Variants in ARMC3 observed in about 807,000 individuals in gnomAD.
ARMC3 encodes armadillo repeat containing 3.
ARMC3 carries 74 observed loss-of-function variants against 90.3 expected under a neutral mutation model. The ratio of observed to expected loss-of-function variants is 0.82; its 90% confidence interval spans 0.68 to 0.99. The LOEUF is 0.99. Ranked by LOEUF, ARMC3 falls within the 50% of genes least tolerant of loss-of-function variation. The probability of loss-of-function intolerance (pLI) is 0.00; values close to 1 mark genes in which losing one functional copy is unlikely to be tolerated. For synonymous variants in ARMC3, 334 were observed against 361.8 expected, an observed-to-expected ratio of 0.92 and a Z score of 0.87; for missense variants, 958 against 1,042.8, an observed-to-expected ratio of 0.92 and a Z score of 1.12.
chr10:22,990,577 G>A (rs1836661930), intron 10 of ARMC3, among the ~76,000 whole-genome samples: 1 of 152,134 alleles, frequency 6.6e-6, no homozygotes, highest in Non-Finnish European at 1.5e-5. Flanking sequence ...TTAAATCCCA[G>A]AGCAGTCCTA....
At chr10:23,014,123 C>T (rs769213808) in intron 16 of ARMC3, 2 of 1,549,748 alleles carry the variant, frequency 1.3e-6, no homozygotes, top group Non-Finnish European at 1.7e-6. Context: ...TCAAGATAAA[C>T]CCTGAAGCAC....
intron 18 of ARMC3, among the ~76,000 whole-genome samples, chr10:23,036,716 C>G (rs777705023): frequency 6.6e-6 from 1 of 152,162 alleles, no homozygotes; most frequent in Non-Finnish European, 1.5e-5. Flanking sequence ...TTAATAACCT[C>G]AAAATCAGGA....
chr10:22,986,789 A>G (rs1291989597), intron 10 of ARMC3, among the ~76,000 whole-genome samples: 4 of 152,156 alleles, frequency 2.6e-5, no homozygotes, highest in African/African-American at 4.8e-5. Flanking sequence ...AGAGCCTCCT[A>G]TTGATACTTC....
intron 16 of ARMC3, among the ~76,000 whole-genome samples, chr10:23,009,779 G>A (rs1837824902): frequency 6.6e-6 from 1 of 152,194 alleles, no homozygotes; most frequent in African/African-American, 2.4e-5. Flanking sequence ...TTACAAGCAT[G>A]AGCCACCCTG....
intron 2 of ARMC3, among the ~76,000 whole-genome samples, chr10:22,936,958 C>T (rs1215999208): frequency 6.6e-6 from 1 of 152,092 alleles, no homozygotes; most frequent in Non-Finnish European, 1.5e-5. Flanking sequence ...GGCTGGAGTG[C>T]AGTGGCACAA....
intron 8 of ARMC3, among the ~76,000 whole-genome samples, chr10:22,978,171 G>T (rs1410406577): frequency 6.6e-6 from 1 of 152,160 alleles, no homozygotes; most frequent in Non-Finnish European, 1.5e-5. Context: ...GGTCCTACCT[G>T]TATTTCTTGT....
intron 18 of ARMC3, among the ~76,000 whole-genome samples, chr10:23,034,649 C>T (rs544704719): frequency 6.6e-6 from 1 of 152,270 alleles, no homozygotes; most frequent in African/African-American, 2.4e-5. Context: ...TTTGTCCTAA[C>T]TCACGGCCAT....
chr10:23,002,597 CT>C (rs59137245), intron 12 of ARMC3, among the ~76,000 whole-genome samples: 1 of 147,980 alleles, frequency 6.8e-6, no homozygotes. Flanking sequence ...TCTTTCTTTT[CT>C]TTTTTTCTTT....
At chr10:23,013,948 A>G (rs1266391897) in intron 16 of ARMC3, among the ~76,000 whole-genome samples, 2 of 152,208 alleles carry the variant, frequency 1.3e-5, no homozygotes, top group Non-Finnish European at 2.9e-5. Flanking sequence ...AATATTAAAA[A>G]TTACTTTAAT....
chr10:23,000,412 A>G (rs762682445), intron 11 of ARMC3, among the ~76,000 whole-genome samples: 17 of 152,110 alleles, frequency 1.1e-4, no homozygotes, highest in Non-Finnish European at 2.4e-4. Context: ...CTATGCTCCC[A>G]TTGCACCCCT....
chr10:23,024,035 A>T (rs1320181883), intron 16 of ARMC3, among the ~76,000 whole-genome samples: 1 of 152,178 alleles, frequency 6.6e-6, no homozygotes, highest in Non-Finnish European at 1.5e-5. Context: ...ACCCAAAGAA[A>T]ACAACACTAA....
Position 23,002,011 on chromosome 10 carries a change from C to T in ARMC3, c.1518C>T (p.Val506=). 6.2e-7 allele frequency: 1 copy of T among 1,613,886 alleles called. No homozygotes were observed. Among genetic ancestry groups the T allele is most frequent in the Non-Finnish European group, 8.5e-7 (1 of 1,179,844 alleles). ...VRKHASWAVM[V]CAGDELTANE... ...AGCACGCCAGTTGGGCAGTGATGGT[C>T]TGTGCTGGTGACGAGCTGACGGCCA... The change falls in exon 12 of 19, where the codon GTC becomes GTT. Residue 506 remains valine, a synonymous_variant. Transcript: ENST00000298032.
chr10:22,977,060 G>A (rs138025244), intron 8 of ARMC3, among the ~76,000 whole-genome samples: 21 of 152,178 alleles, frequency 1.4e-4, no homozygotes, highest in East Asian at 9.7e-4. Context: ...AACTTTGTTC[G>A]ACCATAATTT....
intron 2 of ARMC3, among the ~76,000 whole-genome samples, chr10:22,934,389 A>G (rs571826214): frequency 2.8e-4 from 42 of 152,344 alleles, no homozygotes; most frequent in African/African-American, 8.2e-4. Flanking sequence ...ATGCCTACAT[A>G]TGGAAAAGAC....
At chr10:23,009,141 G>A (rs767780812) in intron 16 of ARMC3, among the ~76,000 whole-genome samples, 3 of 152,168 alleles carry the variant, frequency 2.0e-5, no homozygotes, top group African/African-American at 4.8e-5. Flanking sequence ...CAAAAACTCT[G>A]GTCACTTGGA....
chr10:22,931,089 C>A (rs1035304739), intron 1 of ARMC3, among the ~76,000 whole-genome samples: 2 of 152,178 alleles, frequency 1.3e-5, no homozygotes, highest in East Asian at 1.9e-4. Context: ...CCACCACACC[C>A]GGCTAATTTT....
At chr10:23,002,567 T>A (rs1415791620) in intron 12 of ARMC3, among the ~76,000 whole-genome samples, 6 of 138,318 alleles carry the variant, frequency 4.3e-5, no homozygotes, top group Non-Finnish European at 1.5e-5. Context: ...TCTTTCTTTC[T>A]TTCTTTCTTT....
Position 23,006,976 on chromosome 10 carries a change from T to A in ARMC3, c.1824T>A (p.Ser608=), listed in dbSNP as rs369100341. The change falls in exon 14 of 19, where the codon TCT becomes TCA. Residue 608 remains serine (S), a synonymous_variant. Transcript: ENST00000298032. ...LRAVLLINSK[S]YVSPPSSMED... Reference sequence around the variant, plus strand: ...CTGTACTCTTAATCAACAGTAAATCTTACGTGTGAGTCTCTGCAGGGAGAG... The same window carrying A: ...CTGTACTCTTAATCAACAGTAAATCATACGTGTGAGTCTCTGCAGGGAGAG... 300 of 1,604,760 alleles carry A rather than the reference T, an allele frequency of 1.9e-4. No homozygotes were observed. Among genetic ancestry groups the A allele is most frequent in the Non-Finnish European group, 2.4e-4 (280 of 1,175,360 alleles).
rs906215263 is a variant in ARMC3 at position 22,959,671 on chromosome 10, T to C, written c.537+97T>C. 9 of 1,219,096 alleles carry C rather than the reference T, an allele frequency of 7.4e-6. No homozygotes were observed. In the African/African-American group the frequency reaches 1.4e-4, roughly 19 times the overall value. 75.5% of individuals were successfully genotyped at this position (1,219,096 alleles called of 1,614,324 possible). A position where few individuals can be genotyped will look rare whatever the true frequency, so the allele number is the denominator to read the frequency against. On this transcript the variant is annotated intron_variant, in intron 6 of 18. Coordinates refer to ENST00000298032, the MANE Select transcript of ARMC3 (RefSeq NM_173081.5). ...AAAAGCTTTTAAAAATGCACCAGTT[T>C]TGCATCATCAGATCTTCTTGTTACT...
Sources: gnomAD v4.1 joint callset for allele counts (sites outside exome capture counted in the v4.1 genomes callset) on GRCh38, gnomAD v4.1.1 for gene constraint, MANE v1.5 for transcripts, NCBI Gene and HGNC (gene_info 2026-07-23, HGNC 2026-07-21) for gene names.